Variants in TMPRSS2 observed in about 807,000 individuals in gnomAD.
TMPRSS2 encodes transmembrane serine protease 2.
Under a neutral mutation model 67.4 loss-of-function variants are expected in TMPRSS2, and 59 were observed. The ratio of observed to expected loss-of-function variants is 0.88; its 90% CI spans 0.71 to 1.09. The LOEUF is 1.09. Among genes scored for constraint, TMPRSS2 ranks in the 50% least tolerant of loss-of-function variants. The pLI is 0.00. For synonymous variants in TMPRSS2, 257 were observed against 257.0 expected (o/e 1.00, Z 0.00); for missense variants, 668 against 642.7 (o/e 1.04, Z -0.43).
intron 5 of TMPRSS2, among the ~76,000 whole-genome samples, chr21:41,481,772 T>C (rs1332798537): frequency 6.6e-6 from 1 of 152,138 alleles, no homozygotes; most frequent in African/African-American, 2.4e-5. Flanking sequence ...TTTAAAAATA[T>C]ATAAGATAAG....
rs562332833 is a variant in TMPRSS2 at position 41,497,798 on chromosome 21, C to T, written c.15+321G>A. ...CGTGGGTCTCTTCCCTGGAACATAC[C>T]CCTGTTATCGCCATCCTGCCTCATC... On this transcript the variant is annotated intron_variant, in intron 2 of 13. Transcript: ENST00000332149. 2.0e-5 allele frequency among the ~76,000 whole-genome samples: 3 copies of T among 152,310 alleles called. No individual in the cohort carries two copies. In the South Asian group the frequency reaches 6.2e-4, roughly 32 times the overall value.
At position 41,467,527 on chromosome 21, in the gene TMPRSS2, G is replaced by C. The variant is rs372137379; in HGVS notation, c.1467+207C>G. ...CCCAGCGCTTTTCATCCAAACACCA[G>C]GGGAAATATGCAAGTGAAGCCAGTG... On this transcript the variant is annotated intron_variant, in intron 13 of 13. Transcript: ENST00000332149. Among the ~76,000 whole-genome samples, 12 of 152,286 alleles carry C rather than the reference G, an allele frequency of 7.9e-5. No homozygotes were observed. In the East Asian group the frequency reaches 2.3e-3, roughly 29 times the overall value.
intron 2 of TMPRSS2, among the ~76,000 whole-genome samples, chr21:41,496,695 C>T (rs944168120): frequency 2.0e-5 from 3 of 152,098 alleles, no homozygotes; most frequent in Admixed American, 2.0e-4. Context: ...CACATCTTCC[C>T]CTTCTTTCAG....
At chr21:41,495,808 C>T (rs372453344) in intron 2 of TMPRSS2, among the ~76,000 whole-genome samples, 2 of 151,816 alleles carry the variant, frequency 1.3e-5, no homozygotes. Flanking sequence ...GACTCAAACT[C>T]GAGAACCACA....
At chr21:41,482,599 A>G (rs1481334477) in intron 5 of TMPRSS2, among the ~76,000 whole-genome samples, 1 of 152,194 alleles carries the variant, frequency 6.6e-6, no homozygotes, top group African/African-American at 2.4e-5. Context: ...ACAGTCTGGT[A>G]CCTGTGGGCT....
chr21:41,484,602 G>A (rs190134102), intron 5 of TMPRSS2, among the ~76,000 whole-genome samples: 10 of 152,272 alleles, frequency 6.6e-5, no homozygotes, highest in African/African-American at 1.4e-4. Flanking sequence ...CGTTATGTTT[G>A]TCTGTTTCCT....
In TMPRSS2 at chr21:41,464,490, C is replaced by T. The variant is rs768729764; in HGVS notation, c.*1652G>A. Reference sequence around the variant, plus strand: ...CTCTGACCAGCAGCCTCAACATCACCCCCTTATAAGGAAATGGAGGCTGGT... The same window carrying T: ...CTCTGACCAGCAGCCTCAACATCACTCCCTTATAAGGAAATGGAGGCTGGT... On this transcript the variant is annotated 3_prime_UTR_variant, in exon 14 of 14. Transcript: ENST00000332149. The T allele has an allele frequency of 3.5e-4, 70 of 197,230 alleles. 1 individual carries two copies. Among genetic ancestry groups the T allele is most frequent in the Non-Finnish European group, 2.8e-4 (27 of 95,144 alleles). 12.2% of individuals were successfully genotyped at this position (197,230 alleles called of 1,614,324 possible).
intron 9 of TMPRSS2, among the ~76,000 whole-genome samples, chr21:41,473,041 G>T (rs1373183995): frequency 6.6e-6 from 1 of 152,166 alleles, no homozygotes; most frequent in Non-Finnish European, 1.5e-5. Context: ...GCAGGACAGA[G>T]CTCAGAGGAC....
intron 11 of TMPRSS2, among the ~76,000 whole-genome samples, chr21:41,469,226 ACT>A (rs1271702481): frequency 4.6e-5 from 7 of 150,660 alleles, no homozygotes; most frequent in African/African-American, 1.5e-4. Flanking sequence ...CTGACTTCTC[ACT>A]CTCTCTCCCA....
chr21:41,496,948 C>T (rs557632131), intron 2 of TMPRSS2, among the ~76,000 whole-genome samples: 166 of 145,074 alleles, frequency 1.1e-3, no homozygotes, highest in African/African-American at 3.8e-3. Context: ...TCAAGTGATT[C>T]GTCTGCCTCA....
rs140636987 is a variant in TMPRSS2 at position 41,479,466 on chromosome 21, C to G, written c.573-184G>C. ...TGTAACGATTTTTCGATTCAATAAC[C>G]CTAAAGTGTCAGACAAAATTCCTTC... On this transcript the variant is annotated intron_variant, in intron 6 of 13. Coordinates refer to ENST00000332149, the MANE Select transcript of TMPRSS2 (RefSeq NM_005656.4). 3.3e-5 allele frequency among the ~76,000 whole-genome samples: 5 copies of G among 152,158 alleles called. No homozygotes were observed. In the East Asian group the frequency reaches 7.7e-4, roughly 23 times the overall value.
Position 41,494,372 on chromosome 21 carries a change from C to A in TMPRSS2, c.222G>T (p.Gly74=), listed in dbSNP as rs747305808. The A allele has an allele frequency of 6.2e-7, 1 of 1,610,630 alleles. No individual in the cohort carries two copies. Among genetic ancestry groups the A allele is most frequent in the Non-Finnish European group, 8.5e-7 (1 of 1,179,166 alleles). Reference sequence around the variant, plus strand: ...GAATCCTACTTGAGGTGCACACTGTCCCGGATGGGGATTTGGGCTGCGTGC... The same window carrying A: ...GAATCCTACTTGAGGTGCACACTGTACCGGATGGGGATTTGGGCTGCGTGC... ...VVCTQPKSPS[G]TVCTSKTKKA... is the part of the protein sequence containing the mutation. Residue 74 remains glycine, a synonymous_variant, in exon 3 of 14, where the codon GGG becomes GGT. Transcript: ENST00000332149.
Position 41,473,440 on chromosome 21 carries a change from C to A in TMPRSS2, c.784G>T (p.Ala262Ser). 6.2e-7 allele frequency: 1 copy of A among 1,610,182 alleles called. No homozygotes were observed. The highest frequency in any genetic ancestry group is 8.5e-7 in the Non-Finnish European group (1 of 1,179,080). ...RQSRIVGGES[A>S]LPGAWPWQVS... The stretch of plus-strand genomic sequence containing the variant: ...TGCCAGGGCCAGGCCCCCGGGAGCG[C>A]GCTCTCGCCGCCCACAATCCTGCTC... The change falls in exon 9 of 14, where the codon GCG becomes TCG. Residue 262 changes from alanine (A) to serine (S), a missense_variant. Ala to Ser is a moderately conservative substitution (Grantham distance 99, BLOSUM62 1). Transcript: ENST00000332149.
chr21:41,504,617 G>A (rs977202305), intron 1 of TMPRSS2, among the ~76,000 whole-genome samples: 5 of 152,144 alleles, frequency 3.3e-5, no homozygotes, highest in Non-Finnish European at 5.9e-5. Context: ...CTGCCTGTGT[G>A]CTCAACCAAG....
intron 7 of TMPRSS2, among the ~76,000 whole-genome samples, chr21:41,477,286 A>G (rs2091222234): frequency 6.6e-6 from 1 of 152,200 alleles, no homozygotes; most frequent in African/African-American, 2.4e-5. Flanking sequence ...TCCATGCCTG[A>G]GATGGGGCAA....
intron 10 of TMPRSS2, among the ~76,000 whole-genome samples, chr21:41,471,230 T>G (rs1307293657): frequency 1.3e-5 from 2 of 152,250 alleles, no homozygotes; most frequent in Non-Finnish European, 2.9e-5. Flanking sequence ...TTCCAGACCC[T>G]TGGATGGACC....
At chr21:41,483,974 C>G (rs2091277665) in intron 5 of TMPRSS2, among the ~76,000 whole-genome samples, 1 of 152,014 alleles carries the variant, frequency 6.6e-6, no homozygotes, top group Non-Finnish European at 1.5e-5. Flanking sequence ...TATGCATTAG[C>G]CTGGCATGAT....
chr21:41,473,450 G>A lies in TMPRSS2; in HGVS notation c.774C>T (p.Gly258=), dbSNP rs777199120. The change falls in exon 9 of 14, where the codon GGC becomes GGT. Residue 258 remains glycine (G), a synonymous_variant. Coordinates refer to ENST00000332149, the MANE Select transcript of TMPRSS2 (RefSeq NM_005656.4). ...LNSSRQSRIV[G]GESALPGAWP... is the part of the protein sequence containing the mutation. The stretch of plus-strand genomic sequence containing the variant: ...AGGCCCCCGGGAGCGCGCTCTCGCC[G>A]CCCACAATCCTGCTCTGGCGGCTTG... The A allele has an allele frequency of 4.7e-5, 76 of 1,609,892 alleles. 1 individual carries two copies. The Middle Eastern group carries it at 5.2e-4, about 11-fold the overall frequency.
In TMPRSS2 at chr21:41,480,549, A is replaced by T. The variant is rs2091248938; in HGVS notation, c.499T>A (p.Ser167Thr). The change falls in exon 6 of 14, where the codon TCC (serine) becomes ACC (threonine). Residue 167 changes from serine (S) to threonine (T), a missense_variant. Transcript: ENST00000332149. ...TCGTCTTGGCACACAGGGTGCCAGG[A>T]CTTCCTCTGAGATGAGTACACCTGA... ...ILQVYSSQRK[S>T]WHPVCQDDWN... is the part of the protein sequence containing the mutation. 4 of 1,613,780 alleles carry T rather than the reference A, an allele frequency of 2.5e-6. No individual in the cohort carries two copies. In the African/African-American group the frequency reaches 5.3e-5, roughly 22 times the overall value.
Sources: allele counts gnomAD v4.1 joint callset (sites outside exome capture counted in the v4.1 genomes callset), GRCh38; gene constraint gnomAD v4.1.1; transcripts MANE v1.5; gene names NCBI Gene and HGNC (gene_info 2026-07-23, HGNC 2026-07-21).